Variants in LAMB1 observed in about 807,000 individuals in gnomAD.
The protein encoded by LAMB1 is laminin subunit beta 1.
LAMB1 carries 121 observed loss-of-function variants against 222.3 expected under a neutral mutation model. That is an observed-to-expected ratio of 0.54 (90% CI 0.47 to 0.63). The LOEUF (loss-of-function observed/expected upper bound fraction) is 0.63. LAMB1 is among the 30% of genes least tolerant of loss of function. The probability of loss-of-function intolerance (pLI) is 0.00; values close to 1 mark genes in which losing one functional copy is unlikely to be tolerated. For synonymous variants in LAMB1, 794 were observed against 807.2 expected, an observed-to-expected ratio of 0.98 and a Z score of 0.28; for missense variants, 2,172 against 2,240.8, an observed-to-expected ratio of 0.97 and a Z score of 0.62.
At chr7:107,947,815 C>T (rs1003445009) in intron 24 of LAMB1, among the ~76,000 whole-genome samples, 4 of 152,068 alleles carry the variant, frequency 2.6e-5, no homozygotes, top group African/African-American at 9.7e-5. Flanking sequence ...TCCTGCATAC[C>T]AAGTGCCTAT....
chr7:107,955,612 A>C lies in LAMB1; in HGVS notation c.2709T>G (p.Tyr903Ter). 2 of 1,613,406 alleles carry C rather than the reference A, an allele frequency of 1.2e-6. No homozygotes were observed. The highest frequency in any genetic ancestry group is 1.7e-6 in the Non-Finnish European group (2 of 1,179,714). The stretch of plus-strand genomic sequence containing the variant: ...CTCCTGACCCAATGATGGGGTCGCC[A>C]TAGTAACCAGCCAAGCACCTGCATC... ...HNCERCLAGY[Y>*]GDPIIGSGDH... Residue 903 changes from tyrosine (Y) to a stop codon, truncating the protein, a stop_gained, in exon 21 of 34, where the codon TAT (tyrosine) becomes TAG (stop). Transcript: ENST00000222399. LOFTEE classifies it high-confidence loss of function.
In LAMB1 at chr7:107,978,158, G is replaced by T. The variant is rs781535280; in HGVS notation, c.889C>A (p.His297Asn). 1 of 1,613,904 alleles carries T rather than the reference G, an allele frequency of 6.2e-7. No homozygotes were observed. The highest frequency in any genetic ancestry group is 8.5e-7 in the Non-Finnish European group (1 of 1,179,856). ...NEEVEGMVHG[H>N]CMCRHNTKGL... ...TTGGTGTTATGCCTGCACATGCAGTGTCCGTGAACCTTGAAAGTTATAAAA... is the reference window on the plus strand; with the variant it reads ...TTGGTGTTATGCCTGCACATGCAGTTTCCGTGAACCTTGAAAGTTATAAAA... The change falls in exon 9 of 34, where the codon CAC becomes AAC. Residue 297 changes from histidine (H) to asparagine (N), a missense_variant. Coordinates refer to ENST00000222399, the MANE Select transcript of LAMB1 (RefSeq NM_002291.3).
chr7:107,998,688 T>C (rs2034325852), intron 3 of LAMB1, among the ~76,000 whole-genome samples, 196 bp from the exon 4 acceptor site: 1 of 152,170 alleles, frequency 6.6e-6, no homozygotes, highest in African/African-American at 2.4e-5. Flanking sequence ...GTCTTGAAAA[T>C]AATTTCCTCC....
chr7:107,928,009 G>A (rs1398225077), intron 31 of LAMB1, among the ~76,000 whole-genome samples: 1 of 151,654 alleles, frequency 6.6e-6, no homozygotes, highest in African/African-American at 2.4e-5. Flanking sequence ...ACCTGTATAG[G>A]GATTAGATAA....
chr7:108,000,026 A>G (rs2034353456), intron 3 of LAMB1: 3 of 152,170 alleles, frequency 2.0e-5, no homozygotes, highest in African/African-American at 4.8e-5. Context: ...CATTTTGGTC[A>G]AAGCTGATTT....
chr7:107,954,766 G>C (rs2033339841), intron 21 of LAMB1, among the ~76,000 whole-genome samples: 1 of 152,110 alleles, frequency 6.6e-6, no homozygotes, highest in African/African-American at 2.4e-5. Flanking sequence ...ACTCCAGCCT[G>C]GGTGACAGAG....
intron 24 of LAMB1, among the ~76,000 whole-genome samples, chr7:107,948,299 CTT>C (rs1164436880): frequency 2.0e-5 from 3 of 152,194 alleles, no homozygotes; most frequent in East Asian, 3.9e-4. Flanking sequence ...CATTTTATAA[CTT>C]TGAATTGCCA....
At position 108,001,680 on chromosome 7, in the gene LAMB1, C is replaced by G; in HGVS notation, c.91G>C (p.Ala31Pro). The G allele has an allele frequency of 6.2e-7, 1 of 1,612,198 alleles. No homozygotes were observed. The highest frequency in any genetic ancestry group is 8.5e-7 in the Non-Finnish European group (1 of 1,179,628). The change falls in exon 3 of 34, where the codon GCA (alanine) becomes CCA (proline). Residue 31 changes from alanine (A) to proline (P), a missense_variant. Physicochemically the swap from Ala to Pro is conservative, Grantham distance 27. Transcript: ENST00000222399. ...AQEPEFSYGC[A>P]EGSCYPATGD... ...GTGGCGGGATAGCAGCTGCCTTCTG[C>G]GCAGCCGTAGCTGAACTCGGGTTCC...
At chr7:107,928,771 G>A (rs1183724097) in intron 31 of LAMB1, among the ~76,000 whole-genome samples, 1 of 152,182 alleles carries the variant, frequency 6.6e-6, no homozygotes, top group East Asian at 1.9e-4. Context: ...GGAATTACAG[G>A]CGTGAGCCAC....
rs760670561 is a variant in LAMB1 at position 108,002,822 on chromosome 7, C to T, written c.37+27G>A. 5 of 1,613,976 alleles carry T rather than the reference C, an allele frequency of 3.1e-6. No individual in the cohort carries two copies. In the East Asian group the frequency reaches 1.1e-4, roughly 36 times the overall value. On this transcript the variant is annotated intron_variant, in intron 2 of 33. Transcript: ENST00000222399. Reference sequence around the variant, plus strand: ...CTTCCCCATGCCCAAGTCCGTCCGCCTCCCCGCACCGTTTCCACGGAATTA... The same window carrying T: ...CTTCCCCATGCCCAAGTCCGTCCGCTTCCCCGCACCGTTTCCACGGAATTA...
chr7:107,975,615 G>C, intron 10 of LAMB1, 74 bp downstream of exon 10: 2 of 1,421,888 alleles, frequency 1.4e-6, no homozygotes, highest in Non-Finnish European at 1.9e-6. Context: ...TATGAGCTCT[G>C]AGACTACTGA....
At chr7:107,951,523 C>G (rs1247773113) in intron 23 of LAMB1, among the ~76,000 whole-genome samples, 1 of 152,200 alleles carries the variant, frequency 6.6e-6, no homozygotes, top group African/African-American at 2.4e-5. Context: ...TGCAACAGGG[C>G]TTGGAAAGGT....
chr7:107,978,936 G>A (rs945669364), intron 8 of LAMB1, among the ~76,000 whole-genome samples: 4 of 152,168 alleles, frequency 2.6e-5, no homozygotes, highest in African/African-American at 9.7e-5. Flanking sequence ...CTTAACAAGA[G>A]TTTCTACAGA....
intron 4 of LAMB1, 33 bp from the exon 5 acceptor site, chr7:107,994,993 A>G (rs758230639): frequency 9.5e-6 from 11 of 1,160,376 alleles, no homozygotes; most frequent in Non-Finnish European, 1.4e-5. Flanking sequence ...AAAACAATAA[A>G]TGAAACTGTA....
chr7:107,959,418 G>T lies in LAMB1; in HGVS notation c.2521C>A (p.His841Asn). The change falls in exon 20 of 34, where the codon CAC (histidine) becomes AAC (asparagine). Residue 841 changes from histidine (H) to asparagine (N), a missense_variant. Coordinates refer to ENST00000222399, the MANE Select transcript of LAMB1 (RefSeq NM_002291.3). The part of the protein sequence containing the change: ...AFCNPVTGQC[H>N]CFQGVYARQC... Reference sequence around the variant, plus strand: ...CGAGCATACACTCCCTGGAAACAGTGGCACTGGCCAGTGACGGGATTGCAG... The same window carrying T: ...CGAGCATACACTCCCTGGAAACAGTTGCACTGGCCAGTGACGGGATTGCAG... The T allele has an allele frequency of 1.9e-6, 3 of 1,614,250 alleles. No individual in the cohort carries two copies. Among genetic ancestry groups the T allele is most frequent in the Non-Finnish European group, 2.5e-6 (3 of 1,180,052 alleles).
At chr7:107,994,798 A>G in intron 5 of LAMB1, 89 bp downstream of exon 5, 1 of 684,192 alleles carries the variant, frequency 1.5e-6, no homozygotes, top group Non-Finnish European at 2.5e-6. Flanking sequence ...GTTCCCATTT[A>G]GGTCAACTCA....
intron 24 of LAMB1, among the ~76,000 whole-genome samples, chr7:107,949,132 C>T (rs934844161): frequency 2.6e-5 from 4 of 152,206 alleles, no homozygotes; most frequent in South Asian, 2.1e-4. Flanking sequence ...TCACTCTTTG[C>T]AGAGTTTCTA....
In LAMB1 at chr7:107,962,700, C is replaced by G. The variant is rs180807788; in HGVS notation, c.1857+205G>C. 0.041 allele frequency among the ~76,000 whole-genome samples: 4,876 copies of G among 119,614 alleles called. 103 individuals are homozygous for G. The highest frequency in any genetic ancestry group is 0.077 in the Middle Eastern group (16 of 208). 78.5% of individuals were successfully genotyped at this position (119,614 alleles called of 152,430 possible). A position where few individuals can be genotyped will look rare whatever the true frequency, so the allele number is the denominator to read the frequency against. On this transcript the variant is annotated intron_variant, in intron 15 of 33. Transcript: ENST00000222399. ...CTGCACTCCAGCCTGGACAACAGAGCGAGACTCAAAAAAAAAAAAAAAAAA... is the reference window on the plus strand; with the variant it reads ...CTGCACTCCAGCCTGGACAACAGAGGGAGACTCAAAAAAAAAAAAAAAAAA...
Position 107,975,041 on chromosome 7 carries a change from G to A in LAMB1, c.1427C>T (p.Thr476Ile). ...CAGACGCTTGCAGTAGCAGTGACCT[G>A]TCTCGGAATCACAAGGATTCCCTCC... ...IPGGNPCDSETGHCYCKRLVT... is the reference protein window; with the variant it reads ...IPGGNPCDSEIGHCYCKRLVT... The change falls in exon 12 of 34, where the codon ACA (threonine) becomes ATA (isoleucine). Residue 476 changes from threonine (T) to isoleucine (I), a missense_variant. Physicochemically the swap from Thr to Ile is moderately conservative, Grantham distance 89. Transcript: ENST00000222399. 6.2e-7 allele frequency: 1 copy of A among 1,613,436 alleles called. No homozygotes were observed. Among genetic ancestry groups the A allele is most frequent in the Middle Eastern group, 1.6e-4 (1 of 6,062 alleles).
Sources: gnomAD v4.1 joint callset for allele counts (sites outside exome capture counted in the v4.1 genomes callset) on GRCh38, gnomAD v4.1.1 for gene constraint, MANE v1.5 for transcripts, NCBI Gene and HGNC (gene_info 2026-07-23, HGNC 2026-07-21) for gene names.